Variants in HOXB9 observed in about 807,000 individuals in gnomAD.
HOXB9 encodes homeobox B9.
In HOXB9, 10 loss-of-function variants were observed where a neutral mutation model predicts 21.5. That is an observed-to-expected ratio of 0.47 (90% CI 0.29 to 0.79). The LOEUF (loss-of-function observed/expected upper bound fraction) is 0.79, where lower values mean the gene tolerates loss of function less well. Among genes scored for constraint, HOXB9 ranks in the 30% least tolerant of loss-of-function variants. The pLI, the probability that HOXB9 is intolerant of heterozygous loss-of-function variation, is 0.10. For synonymous variants in HOXB9, 156 were observed against 151.2 expected (o/e 1.03, Z -0.23); for missense variants, 375 against 338.7 (o/e 1.11, Z -0.84).
intron 1 of HOXB9, among the ~76,000 whole-genome samples, chr17:48,624,430 G>C (rs1295670494): frequency 6.6e-6 from 1 of 152,170 alleles, no homozygotes; most frequent in East Asian, 1.9e-4. Context: ...TTTAGGGTGG[G>C]GGATCTGTTT....
chr17:48,625,421 C>T (rs1345835365), intron 1 of HOXB9, among the ~76,000 whole-genome samples: 1 of 152,170 alleles, frequency 6.6e-6, no homozygotes. Flanking sequence ...CTCTCCCGGC[C>T]GTCGCCGGTC....
chr17:48,626,221 T>G lies in HOXB9; in HGVS notation c.49A>C (p.Ser17Arg). 6.3e-7 allele frequency: 1 copy of G among 1,598,846 alleles called. No homozygotes were observed. The highest frequency in any genetic ancestry group is 8.5e-7 in the Non-Finnish European group (1 of 1,179,624). ...LSSYYVDSII[S>R]HESEDAPPAK... ...GGAGGCGCGTCCTCACTCTCGTGAC[T>G]TATGATCGAGTCGACATAATAGCTG... Residue 17 changes from serine to arginine, a missense_variant, in exon 1 of 2, where the codon AGT becomes CGT. Coordinates refer to ENST00000311177, the MANE Select transcript of HOXB9 (RefSeq NM_024017.5).
At position 48,625,950 on chromosome 17, in the gene HOXB9, G is replaced by A; in HGVS notation, c.320C>T (p.Ala107Val). ...TWLEPAPRGE[A>V]APGQGQAAVK... ...CGCCGCCTGGCCCTGCCCCGGGGCC[G>A]CTTCGCCGCGCGGCGCCGGCTCCAG... is the stretch of plus-strand genomic sequence containing the variant. Residue 107 changes from alanine to valine, a missense_variant, in exon 1 of 2, where the codon GCG (alanine) becomes GTG (valine). By Grantham distance (64) the Ala-to-Val change is moderately conservative. Coordinates refer to ENST00000311177, the MANE Select transcript of HOXB9 (RefSeq NM_024017.5). 1 of 1,495,494 alleles carries A rather than the reference G, an allele frequency of 6.7e-7. No individual in the cohort carries two copies. Among genetic ancestry groups the A allele is most frequent in the South Asian group, 1.3e-5 (1 of 75,538 alleles). The allele number at this position is 1,495,494 out of a possible 1,614,324, so 92.6% of individuals were successfully genotyped here.
At position 48,621,601 on chromosome 17, in the gene HOXB9, G is replaced by C. The variant is rs1200402843; in HGVS notation, c.*1299C>G. ...GCCCATGAAGCAGGAGGCCAAGCCC[G>C]GCCCTGGGGCGGGTCTCCTTTGGCG... is the stretch of plus-strand genomic sequence containing the variant. On this transcript the variant is annotated 3_prime_UTR_variant, in exon 2 of 2. Transcript: ENST00000311177. 1 of 152,296 alleles carries C rather than the reference G, an allele frequency of 6.6e-6. No homozygotes were observed. Among genetic ancestry groups the C allele is most frequent in the Non-Finnish European group, 1.5e-5 (1 of 68,072 alleles). The allele number at this position is 152,296 out of a possible 1,614,324, so 9.4% of individuals were successfully genotyped here. A position where few individuals can be genotyped will look rare whatever the true frequency, so the allele number is the denominator to read the frequency against.
chr17:48,626,278 A>G lies in HOXB9; in HGVS notation c.-9T>C, dbSNP rs1201522123. 6.3e-7 allele frequency: 1 copy of G among 1,574,846 alleles called. No homozygotes were observed. Among genetic ancestry groups the G allele is most frequent in the Non-Finnish European group, 8.6e-7 (1 of 1,164,250 alleles). On this transcript the variant is annotated 5_prime_UTR_variant, in exon 1 of 2. An upstream start codon of the reference 5' UTR is lost. Transcript: ENST00000311177. ...GTCCCAGAAATGGACATTCTCAGAC[A>G]TTATCCGGGCGCTTGCAGGGGGAAG...
Position 48,622,968 on chromosome 17 carries a change from C to CTT in HOXB9, c.683_684dup (p.Val229LysfsTer11). 6.2e-7 allele frequency: 1 copy of CTT among 1,614,232 alleles called. No individual in the cohort carries two copies. The highest frequency in any genetic ancestry group is 8.5e-7 in the Non-Finnish European group (1 of 1,180,046). ...CGCCGGTTCTGAAACCAGATTTTGA[C>CTT]TTGTCTCTCACTCAGATTGAGGAGT... is the stretch of plus-strand genomic sequence containing the variant. On this transcript the variant is annotated frameshift_variant, in exon 2 of 2. Coordinates refer to ENST00000311177, the MANE Select transcript of HOXB9 (RefSeq NM_024017.5). LOFTEE classifies it high-confidence loss of function.
At chr17:48,625,521 G>T (rs1472999284) in intron 1 of HOXB9, among the ~76,000 whole-genome samples, 22 of 152,226 alleles carry the variant, frequency 1.4e-4, no homozygotes. Context: ...CCTGTTCCCC[G>T]CAGGACTTGG....
intron 1 of HOXB9, among the ~76,000 whole-genome samples, chr17:48,624,119 C>T (rs1388840362): frequency 2.0e-5 from 3 of 152,096 alleles, no homozygotes; most frequent in African/African-American, 7.2e-5. Context: ...ACCTTCTCTC[C>T]CCCTACTCTG....
chr17:48,626,294 C>A lies in HOXB9; in HGVS notation c.-25G>T. 6.4e-7 allele frequency: 1 copy of A among 1,564,930 alleles called. No individual in the cohort carries two copies. Among genetic ancestry groups the A allele is most frequent in the Non-Finnish European group, 8.6e-7 (1 of 1,158,896 alleles). On this transcript the variant is annotated 5_prime_UTR_variant, in exon 1 of 2. Coordinates refer to ENST00000311177, the MANE Select transcript of HOXB9 (RefSeq NM_024017.5). ...TTCTCAGACATTATCCGGGCGCTTGCAGGGGGAAGGGAAGCGCTCGCGCGG... is the reference window on the plus strand; with the variant it reads ...TTCTCAGACATTATCCGGGCGCTTGAAGGGGGAAGGGAAGCGCTCGCGCGG...
Position 48,625,985 on chromosome 17 carries a change from G to T in HOXB9, c.285C>A (p.Leu95=), listed in dbSNP as rs1301797316. ...GCGGCGCCGGCTCCAGCCAGGTGCG[G>T]AGGTACCTGCTCTCGGCCGGCGGGA... ...QGVPPAESRY[L]RTWLEPAPRG... Residue 95 remains leucine (L), a synonymous_variant, in exon 1 of 2, where the codon CTC becomes CTA. Coordinates refer to ENST00000311177, the MANE Select transcript of HOXB9 (RefSeq NM_024017.5). 1.3e-6 allele frequency: 2 copies of T among 1,542,372 alleles called. No homozygotes were observed. The highest frequency in any genetic ancestry group is 1.7e-6 in the Non-Finnish European group (2 of 1,150,970).
Position 48,622,829 on chromosome 17 carries a change from CT to C in HOXB9, c.*70del. On this transcript the variant is annotated 3_prime_UTR_variant, in exon 2 of 2. Coordinates refer to ENST00000311177, the MANE Select transcript of HOXB9 (RefSeq NM_024017.5). The stretch of plus-strand genomic sequence containing the variant: ...TTGAATACATCCCAGACAGCACTGG[CT>C]TTGCAGTCGTCACATAACTAAGAGT... 8.6e-7 allele frequency: 1 copy of C among 1,157,350 alleles called. No individual in the cohort carries two copies. Among genetic ancestry groups the C allele is most frequent in the Non-Finnish European group, 1.3e-6 (1 of 784,112 alleles). The allele number at this position is 1,157,350 out of a possible 1,614,324, so 71.7% of individuals were successfully genotyped here.
At chr17:48,623,402 A>T (rs1423236225) in intron 1 of HOXB9, among the ~76,000 whole-genome samples, 1 of 151,942 alleles carries the variant, frequency 6.6e-6, no homozygotes, top group Non-Finnish European at 1.5e-5. Context: ...TTCCCTCTCA[A>T]TTTTTCTCTA....
At chr17:48,625,117 G>C (rs1014078483) in intron 1 of HOXB9, among the ~76,000 whole-genome samples, 1 of 152,254 alleles carries the variant, frequency 6.6e-6, no homozygotes, top group Non-Finnish European at 1.5e-5. Flanking sequence ...GGCGCATCCG[G>C]GGAGGGGGCT....
chr17:48,623,779 C>A (rs11651212), intron 1 of HOXB9, among the ~76,000 whole-genome samples: 12,585 of 152,268 alleles, frequency 0.083, 1,089 homozygotes, highest in African/African-American at 0.22. Flanking sequence ...AGCCAGCACA[C>A]TCCAATTCAC....
intron 1 of HOXB9, among the ~76,000 whole-genome samples, 154 bp downstream of exon 1, chr17:48,625,599 C>T (rs1218018002): frequency 6.6e-6 from 1 of 152,242 alleles, no homozygotes; most frequent in Non-Finnish European, 1.5e-5. Context: ...TTTCCCCTTC[C>T]CTCCGTCTTT....
intron 1 of HOXB9, among the ~76,000 whole-genome samples, chr17:48,623,609 C>G (rs533535366): frequency 6.6e-6 from 1 of 152,138 alleles, no homozygotes; most frequent in Non-Finnish European, 1.5e-5. Context: ...CCCAAGAGAC[C>G]TCTCAGCCCT....
In HOXB9 at chr17:48,622,947, G is replaced by C. The variant is rs747302611; in HGVS notation, c.706C>G (p.Arg236Gly). The change falls in exon 2 of 2, where the codon CGG becomes GGG. Residue 236 changes from arginine to glycine, a missense_variant. By Grantham distance (125) the Arg-to-Gly change is moderately radical. Coordinates refer to ENST00000311177, the MANE Select transcript of HOXB9 (RefSeq NM_024017.5). ...TTCATTTTCTTCATTTTCATCCGCC[G>C]GTTCTGAAACCAGATTTTGACTTGT... is the stretch of plus-strand genomic sequence containing the variant. ...ERQVKIWFQN[R>G]RMKMKKMNKE... 1 of 1,614,016 alleles carries C rather than the reference G, an allele frequency of 6.2e-7. No homozygotes were observed. The highest frequency in any genetic ancestry group is 1.3e-5 in the African/African-American group (1 of 74,898).
In HOXB9 at chr17:48,626,353, C is replaced by A; in HGVS notation, c.-84G>T. ...AAGCAGGGAGAGGTGGCACCCGGAC[C>A]GGTGTGAGGGCTTTCGGACGCGACC... On this transcript the variant is annotated 5_prime_UTR_variant, in exon 1 of 2. Coordinates refer to ENST00000311177, the MANE Select transcript of HOXB9 (RefSeq NM_024017.5). The A allele has an allele frequency of 2.8e-6, 4 of 1,424,352 alleles. No homozygotes were observed. Among genetic ancestry groups the A allele is most frequent in the Non-Finnish European group, 3.8e-6 (4 of 1,062,386 alleles). 88.2% of individuals were successfully genotyped at this position (1,424,352 alleles called of 1,614,324 possible). A position where few individuals can be genotyped will look rare whatever the true frequency, so the allele number is the denominator to read the frequency against.
At chr17:48,623,882 T>C (rs2070790970) in intron 1 of HOXB9, among the ~76,000 whole-genome samples, 1 of 152,188 alleles carries the variant, frequency 6.6e-6, no homozygotes. Flanking sequence ...ATAGTCTCTC[T>C]CCTTTTCAGC....
Sources: allele counts gnomAD v4.1 joint callset (sites outside exome capture counted in the v4.1 genomes callset), GRCh38; gene constraint gnomAD v4.1.1; transcripts MANE v1.5; gene names NCBI Gene and HGNC (gene_info 2026-07-23, HGNC 2026-07-21).